Variants in GRID2 observed in about 807,000 individuals in gnomAD.
GRID2 encodes glutamate ionotropic receptor delta type subunit 2.
In GRID2, 33 loss-of-function variants were observed where a neutral mutation model predicts 114.8. That is an observed-to-expected ratio of 0.29 (90% confidence interval 0.22 to 0.38). The LOEUF (loss-of-function observed/expected upper bound fraction) is 0.38, where lower values mean the gene tolerates loss of function less well. Ranked by LOEUF, GRID2 falls within the 10% of genes least tolerant of loss-of-function variation. The pLI, the probability that GRID2 is intolerant of heterozygous loss-of-function variation, is 1.00. For missense variants in GRID2, 1,184 were observed against 1,257.7 expected (o/e 0.94, Z 0.89); for synonymous variants, 505 against 449.9 (o/e 1.12, Z -1.55).
intron 1 of GRID2, among the ~76,000 whole-genome samples, chr4:92,460,916 C>T (rs1721463271): frequency 6.6e-6 from 1 of 151,774 alleles, no homozygotes; most frequent in Admixed American, 6.6e-5. Context: ...TTTTAGATCT[C>T]TTTAGAAAAA....
rs548566331 is a variant in GRID2, at chr4:92,742,615, T to C, written c.244+152329T>C. On this transcript the variant is annotated intron_variant, in intron 2 of 15. Transcript: ENST00000282020. ...TCTGTGTACAGCAGAAAGTCCATTATGTTTGATTTTTGGTCTTCACTGAAC... is the reference window on the plus strand; with the variant it reads ...TCTGTGTACAGCAGAAAGTCCATTACGTTTGATTTTTGGTCTTCACTGAAC... Among the ~76,000 whole-genome samples the C allele has an allele frequency of 4.6e-5, 7 of 152,348 alleles. No homozygotes were observed. In the East Asian group the frequency reaches 1.4e-3, roughly 29 times the overall value.
rs1282660891 is a variant in GRID2 at position 92,465,508 on chromosome 4, A to G, written c.89-124623A>G. ...TATTTATATAGAGCTATAATTCACAATTATATACCAGTAGCAATAAAAAAC... is the reference window on the plus strand; with the variant it reads ...TATTTATATAGAGCTATAATTCACAGTTATATACCAGTAGCAATAAAAAAC... On this transcript the variant is annotated intron_variant, in intron 1 of 15. Transcript: ENST00000282020. Among the ~76,000 whole-genome samples, 4 of 152,218 alleles carry G rather than the reference A, an allele frequency of 2.6e-5. No individual in the cohort carries two copies. In the East Asian group the frequency reaches 5.8e-4, roughly 22 times the overall value.
At chr4:93,563,494 T>C (rs764842342) in intron 13 of GRID2, among the ~76,000 whole-genome samples, 1 of 151,992 alleles carries the variant, frequency 6.6e-6, no homozygotes, top group African/African-American at 2.4e-5. Flanking sequence ...ATGTATCGTA[T>C]AGATTTGTAC....
chr4:93,525,663 G>C (rs1730813809), intron 13 of GRID2, among the ~76,000 whole-genome samples: 1 of 152,042 alleles, frequency 6.6e-6, no homozygotes. Flanking sequence ...TGAGTCTTTG[G>C]ACACTAATTT....
chr4:93,151,237 G>T (rs1465243944), intron 4 of GRID2, among the ~76,000 whole-genome samples: 2 of 151,922 alleles, frequency 1.3e-5, no homozygotes, highest in Non-Finnish European at 2.9e-5. Context: ...GTGTTAAAGA[G>T]ATGTGAGTAG....
chr4:92,545,872 G>T (rs13122854), intron 1 of GRID2, among the ~76,000 whole-genome samples: 33,194 of 151,944 alleles, frequency 0.22, 3,874 homozygotes, highest in South Asian at 0.3. Flanking sequence ...CTTAAGTAAA[G>T]GCTAACATAA....
intron 8 of GRID2, among the ~76,000 whole-genome samples, chr4:93,355,569 T>C (rs1336874619): frequency 2.0e-5 from 3 of 152,080 alleles, no homozygotes; most frequent in African/African-American, 7.2e-5. Flanking sequence ...CACAGCATCA[T>C]TTCTGCTATG....
intron 2 of GRID2, among the ~76,000 whole-genome samples, chr4:93,063,567 C>T (rs1727998082): frequency 6.6e-6 from 1 of 151,774 alleles, no homozygotes; most frequent in South Asian, 2.1e-4. Flanking sequence ...TAGGATGTGA[C>T]TAATGGTTAG....
intron 4 of GRID2, among the ~76,000 whole-genome samples, chr4:93,127,203 A>G (rs1734354829): frequency 6.6e-6 from 1 of 152,212 alleles, no homozygotes. Flanking sequence ...CGAAGTTATT[A>G]TACTATTTTT....
intron 2 of GRID2, among the ~76,000 whole-genome samples, chr4:92,693,435 A>G (rs1239540073): frequency 6.6e-6 from 1 of 152,180 alleles, no homozygotes; most frequent in African/African-American, 2.4e-5. Context: ...CCAGTTTTCC[A>G]CTTTGTTGGG....
chr4:92,867,308 T>C (rs1384903311), intron 2 of GRID2, among the ~76,000 whole-genome samples: 1 of 152,126 alleles, frequency 6.6e-6, no homozygotes, highest in African/African-American at 2.4e-5. Flanking sequence ...TGCTATTGAT[T>C]CTCCTTACTG....
intron 8 of GRID2, among the ~76,000 whole-genome samples, chr4:93,269,614 G>C (rs1253334063): frequency 6.6e-6 from 1 of 152,210 alleles, no homozygotes; most frequent in African/African-American, 2.4e-5. Flanking sequence ...GAGACATTCA[G>C]TGTGGCTTTC....
intron 9 of GRID2, among the ~76,000 whole-genome samples, chr4:93,396,980 TC>T (rs1239084895): frequency 6.6e-6 from 1 of 152,026 alleles, no homozygotes. Context: ...AAAAAGATTT[TC>T]CTATGGGCTA....
intron 2 of GRID2, among the ~76,000 whole-genome samples, chr4:92,639,675 A>T (rs1731249007): frequency 6.6e-6 from 1 of 151,682 alleles, no homozygotes; most frequent in Non-Finnish European, 1.5e-5. Context: ...ATGAGAAATG[A>T]CTTCATGGAT....
intron 10 of GRID2, among the ~76,000 whole-genome samples, chr4:93,437,391 C>CAGAGTTTTAGTGTA (rs11274886): frequency 6.6e-6 from 1 of 151,690 alleles, no homozygotes; most frequent in African/African-American, 2.4e-5. Flanking sequence ...CAGAGAAAAA[C>CAGAGTTTTAGTGTA]AGTTTTGTCT....
intron 13 of GRID2, among the ~76,000 whole-genome samples, chr4:93,544,224 G>A (rs1393331325): frequency 6.6e-6 from 1 of 151,874 alleles, no homozygotes; most frequent in Non-Finnish European, 1.5e-5. Flanking sequence ...TCAAATGTGT[G>A]GAATAGATAA....
chr4:92,742,132 C>T (rs1461493388), intron 2 of GRID2, among the ~76,000 whole-genome samples: 1 of 152,020 alleles, frequency 6.6e-6, no homozygotes, highest in Non-Finnish European at 1.5e-5. Flanking sequence ...CTTTTCAAAA[C>T]ATTGAAAAGC....
intron 1 of GRID2, among the ~76,000 whole-genome samples, chr4:92,452,145 A>G (rs1004354361): frequency 6.6e-6 from 1 of 152,154 alleles, no homozygotes; most frequent in East Asian, 1.9e-4. Flanking sequence ...AGCTACCATT[A>G]TATACTTGGC....
chr4:93,533,230 G>A (rs544095440), intron 13 of GRID2, among the ~76,000 whole-genome samples: 1 of 148,416 alleles, frequency 6.7e-6, no homozygotes, highest in African/African-American at 2.5e-5. Flanking sequence ...AATCTTGTAG[G>A]GCCCTTTCTT....
Sources: allele counts gnomAD v4.1 joint callset (sites outside exome capture counted in the v4.1 genomes callset), GRCh38; gene constraint gnomAD v4.1.1; transcripts MANE v1.5; gene names NCBI Gene and HGNC (gene_info 2026-07-23, HGNC 2026-07-21).